The following PCDHA8 variants were observed in gnomAD, a reference collection of about 807,000 sequenced individuals.
The protein encoded by PCDHA8 is protocadherin alpha-8.
Under a neutral mutation model 61.8 loss-of-function variants are expected in PCDHA8, and 53 were observed. That is an observed-to-expected ratio of 0.86 (90% CI 0.69 to 1.08). The LOEUF (loss-of-function observed/expected upper bound fraction) is 1.08, where lower values mean the gene tolerates loss of function less well. Among genes scored for constraint, PCDHA8 ranks in the 50% least tolerant of loss-of-function variants. The probability of loss-of-function intolerance (pLI) is 0.00; values close to 1 mark genes in which losing one functional copy is unlikely to be tolerated. For synonymous variants in PCDHA8, 618 were observed against 556.6 expected, an observed-to-expected ratio of 1.11 and a Z score of -1.55; for missense variants, 1,293 against 1,245.0, an observed-to-expected ratio of 1.04 and a Z score of -0.58.
chr5:140,945,321 A>G (rs558331825), intron 1 of PCDHA8, among the ~76,000 whole-genome samples: 1 of 152,258 alleles, frequency 6.6e-6, no homozygotes, highest in Non-Finnish European at 1.5e-5. Flanking sequence ...AAATGGAAAT[A>G]TATTTTATGT....
At chr5:140,856,867 C>A (rs1554149232) in intron 1 of PCDHA8, 1 of 1,595,186 alleles carries the variant, frequency 6.3e-7, no homozygotes. Context: ...AAGGAATAAA[C>A]AAGGAAATGA....
At position 140,843,436 on chromosome 5, in the gene PCDHA8, C is replaced by A. The variant is rs2150359840; in HGVS notation, c.2115C>A (p.Cys705Ter). 3 of 1,596,080 alleles carry A rather than the reference C, an allele frequency of 1.9e-6. No individual in the cohort carries two copies. The highest frequency in any genetic ancestry group is 2.2e-5 in the East Asian group (1 of 44,824). The part of the protein sequence containing the change: ...DVNVYLIIAI[C>*]AVSSLLVLTL... ...ACGTGTACCTGATCATCGCCATCTG[C>A]GCGGTATCCAGCCTGCTGGTGCTCA... The change falls in exon 1 of 4, where the codon TGC becomes TGA. Residue 705 changes from cysteine to a stop codon, truncating the protein, a stop_gained. Coordinates refer to ENST00000531613, the MANE Select transcript of PCDHA8 (RefSeq NM_018911.3). LOFTEE classifies it high-confidence loss of function.
intron 1 of PCDHA8, among the ~76,000 whole-genome samples, chr5:140,964,823 G>A (rs541084771): frequency 2.6e-5 from 4 of 152,218 alleles, no homozygotes; most frequent in Non-Finnish European, 1.5e-5. Context: ...AGATTTTGAT[G>A]AAAATTGCTT....
At chr5:140,929,331 C>G in intron 1 of PCDHA8, 1 of 1,534,960 alleles carries the variant, frequency 6.5e-7, no homozygotes, top group Non-Finnish European at 8.8e-7. Context: ...CCATGGTAAG[C>G]AAATTTTATG....
Position 140,853,387 on chromosome 5 carries a change from C to T in PCDHA8, c.2394+9672C>T, listed in dbSNP as rs2150531459. 3.0e-6 allele frequency: 3 copies of T among 985,448 alleles called. No homozygotes were observed. In the Admixed American group the frequency reaches 1.9e-4, roughly 62 times the overall value. The allele number at this position is 985,448 out of a possible 1,614,324, so 61.0% of individuals were successfully genotyped here. ...CCAGAGATGGTAAAATTCAAAACAGCCTGTCAAGTTCAAAACAGAGAGGTG... is the reference window on the plus strand; with the variant it reads ...CCAGAGATGGTAAAATTCAAAACAGTCTGTCAAGTTCAAAACAGAGAGGTG... On this transcript the variant is annotated intron_variant, in intron 1 of 3. Coordinates refer to ENST00000531613, the MANE Select transcript of PCDHA8 (RefSeq NM_018911.3).
At chr5:140,963,210 C>T (rs1200019403) in intron 1 of PCDHA8, among the ~76,000 whole-genome samples, 1 of 151,742 alleles carries the variant, frequency 6.6e-6, no homozygotes, top group East Asian at 1.9e-4. Flanking sequence ...AAAAAAACCT[C>T]GTGTTTAGAG....
rs782497691 is a variant in PCDHA8 at position 140,856,769 on chromosome 5, T to C, written c.2394+13054T>C. On this transcript the variant is annotated intron_variant, in intron 1 of 3. Transcript: ENST00000531613. ...AGATGCCAATGATAACGCCCCTATC[T>C]TTGACAGACCGGTTTATGAAGTTAA... is the stretch of plus-strand genomic sequence containing the variant. 1.8e-5 allele frequency: 28 copies of C among 1,596,572 alleles called. 4 individuals carry two copies. The highest frequency in any genetic ancestry group is 2.4e-5 in the Non-Finnish European group (28 of 1,166,742).
At chr5:140,975,765 CAG>C (rs1179625862) in intron 1 of PCDHA8, among the ~76,000 whole-genome samples, 1 of 152,220 alleles carries the variant, frequency 6.6e-6, no homozygotes, top group Non-Finnish European at 1.5e-5. Flanking sequence ...TCATAAATCA[CAG>C]ATAATACCAT....
At chr5:140,851,697 TC>T in intron 1 of PCDHA8, 1 of 942,168 alleles carries the variant, frequency 1.1e-6, no homozygotes, top group Non-Finnish European at 1.3e-6. Flanking sequence ...GATAAAATGA[TC>T]AGCCATGTGA....
chr5:140,878,333 G>C (rs947043628), intron 1 of PCDHA8, among the ~76,000 whole-genome samples: 4 of 152,000 alleles, frequency 2.6e-5, no homozygotes, highest in Admixed American at 6.5e-5. Flanking sequence ...TATATTCCAG[G>C]TATTATCACA....
At chr5:140,852,265 T>C in intron 1 of PCDHA8, 1 of 505,256 alleles carries the variant, frequency 2.0e-6, no homozygotes, top group Non-Finnish European at 2.6e-6. Flanking sequence ...TATGCTACAA[T>C]ATTACATGTT....
In PCDHA8 at chr5:140,850,498, C is replaced by G; in HGVS notation, c.2394+6783C>G. The G allele has an allele frequency of 1.3e-6, 2 of 1,598,138 alleles. 1 individual carries two copies. The highest frequency in any genetic ancestry group is 4.5e-5 in the East Asian group (2 of 44,830). ...ACGGCCACGGCCACTGTGCTGGTGT[C>G]GCTGGTGGAGAGCGGCCAGGCGCCA... On this transcript the variant is annotated intron_variant, in intron 1 of 3. Transcript: ENST00000531613.
chr5:140,898,881 A>G (rs1472274164), intron 1 of PCDHA8, among the ~76,000 whole-genome samples: 1 of 152,102 alleles, frequency 6.6e-6, no homozygotes, highest in Non-Finnish European at 1.5e-5. Context: ...AGTGGTTTGT[A>G]GTTCTCCTTG....
intron 1 of PCDHA8, chr5:140,861,215 A>G (rs77020201): frequency 0.081 from 13,442 of 165,830 alleles, 594 homozygotes; most frequent in Middle Eastern, 0.11. Flanking sequence ...TAACCAAAAG[A>G]GAGGCATAAT....
At chr5:140,940,285 T>C (rs2092587239) in intron 1 of PCDHA8, among the ~76,000 whole-genome samples, 3 of 152,222 alleles carry the variant, frequency 2.0e-5, no homozygotes, top group Admixed American at 6.5e-5. Context: ...CTCATTGTGC[T>C]GCTTCATCAG....
intron 1 of PCDHA8, among the ~76,000 whole-genome samples, chr5:140,937,239 G>C (rs1331547271): frequency 2.0e-5 from 3 of 151,804 alleles, no homozygotes; most frequent in African/African-American, 7.3e-5. Context: ...GGGTTTCACC[G>C]TGTTAGCCAG....
intron 3 of PCDHA8, among the ~76,000 whole-genome samples, chr5:141,001,297 A>G (rs1367498675): frequency 1.3e-5 from 2 of 152,202 alleles, no homozygotes; most frequent in African/African-American, 2.4e-5. Context: ...ACTGAGGCCC[A>G]GAGATATGAA....
chr5:140,961,856 C>T (rs781908407), intron 1 of PCDHA8, among the ~76,000 whole-genome samples: 1 of 151,570 alleles, frequency 6.6e-6, no homozygotes, highest in Non-Finnish European at 1.5e-5. Flanking sequence ...GATCATTTAT[C>T]TGGCCACAGA....
Position 140,842,478 on chromosome 5 carries a change from C to T in PCDHA8, c.1157C>T (p.Thr386Ile), listed in dbSNP as rs449407. Residue 386 changes from threonine (T) to isoleucine (I), a missense_variant, in exon 1 of 4, where the codon ACC (threonine) becomes ATC (isoleucine). Coordinates refer to ENST00000531613, the MANE Select transcript of PCDHA8 (RefSeq NM_018911.3). ...DLDSGANGQV[T>I]CSLMPHVPFK... Reference sequence around the variant, plus strand: ...GATTCAGGTGCCAACGGGCAGGTGACCTGCTCCCTGATGCCCCATGTCCCC... The same window carrying T: ...GATTCAGGTGCCAACGGGCAGGTGATCTGCTCCCTGATGCCCCATGTCCCC... 1 of 1,613,928 alleles carries T rather than the reference C, an allele frequency of 6.2e-7. No homozygotes were observed. Among genetic ancestry groups the T allele is most frequent in the East Asian group, 2.2e-5 (1 of 44,874 alleles).
Sources: gnomAD v4.1 joint callset for allele counts (sites outside exome capture counted in the v4.1 genomes callset) on GRCh38, gnomAD v4.1.1 for gene constraint, MANE v1.5 for transcripts, NCBI Gene and HGNC (gene_info 2026-07-23, HGNC 2026-07-21) for gene names.